Variants in GLDC observed in about 807,000 individuals in gnomAD.
GLDC encodes the protein glycine dehydrogenase (decarboxylating), mitochondrial.
Under a neutral mutation model 121.3 loss-of-function variants are expected in GLDC, and 104 were observed. The observed-to-expected ratio is 0.86, with a 90% CI of 0.73 to 1.01. GLDC has a LOEUF of 1.01. GLDC is among the 50% of genes least tolerant of loss of function. GLDC has a pLI of 0.00. For missense variants in GLDC, 1,429 were observed against 1,306.6 expected (o/e 1.09, Z -1.44); for synonymous variants, 546 against 480.6 (o/e 1.14, Z -1.78).
chr9:6,588,276 A>T, intron 14 of GLDC, 125 bp downstream of exon 14: 1 of 796,446 alleles, frequency 1.3e-6, no homozygotes. Context: ...CAAGGTAAAG[A>T]ATTATTAAAA....
At position 6,585,403 on chromosome 9, in the gene GLDC, TAAAAC is replaced by T. The variant is rs538673216; in HGVS notation, c.1850+1733_1850+1737del. ...TCAGAATTCACTGAGGTTTGTCTCT[TAAAAC>T]AAAACAAAAATAAGTAATGAAGTTC... On this transcript the variant is annotated intron_variant, in intron 15 of 24. Coordinates refer to ENST00000321612, the MANE Select transcript of GLDC (RefSeq NM_000170.3). Among the ~76,000 whole-genome samples the T allele has an allele frequency of 1.8e-4, 28 of 152,322 alleles. No homozygotes were observed. In the South Asian group the frequency reaches 3.5e-3, roughly 19 times the overall value.
intron 15 of GLDC, among the ~76,000 whole-genome samples, chr9:6,575,247 C>T (rs1818041890): frequency 6.6e-6 from 1 of 151,858 alleles, no homozygotes; most frequent in East Asian, 1.9e-4. Flanking sequence ...AAAACTCTCC[C>T]ATATGGGCTC....
At chr9:6,554,527 C>T (rs978471813) in intron 19 of GLDC, 142 bp downstream of exon 19, 6 of 714,950 alleles carry the variant, frequency 8.4e-6, no homozygotes, top group Non-Finnish European at 1.5e-5. Flanking sequence ...TTTTGCTGCT[C>T]CTCCCCCAGC....
intron 11 of GLDC, 90 bp from the exon 12 acceptor site, chr9:6,589,382 C>G (rs1046983578): frequency 1.3e-6 from 1 of 751,272 alleles, no homozygotes; most frequent in Non-Finnish European, 2.4e-6. Context: ...GGCCACAAAG[C>G]ACTCAAAATG....
At chr9:6,588,553 G>A (rs1818314715) in intron 13 of GLDC, 65 bp downstream of exon 13, 6 of 1,454,084 alleles carry the variant, frequency 4.1e-6, no homozygotes, top group Non-Finnish European at 5.8e-6. Flanking sequence ...GAGCATATTA[G>A]GTAGGACCAA....
chr9:6,632,478 G>A (rs1170907001), intron 2 of GLDC, among the ~76,000 whole-genome samples: 1 of 152,154 alleles, frequency 6.6e-6, no homozygotes, highest in Non-Finnish European at 1.5e-5. Context: ...TTGCATTTTT[G>A]TATGAATACT....
At chr9:6,555,964 CACAGCTG>C (rs1817621039) in intron 18 of GLDC, among the ~76,000 whole-genome samples, 182 bp downstream of exon 18, 1 of 152,218 alleles carries the variant, frequency 6.6e-6, no homozygotes, top group Non-Finnish European at 1.5e-5. Context: ...GCCCCCATTT[CACAGCTG>C]ATAAAGCTGA....
At chr9:6,538,664 C>T (rs1817188956) in intron 22 of GLDC, among the ~76,000 whole-genome samples, 3 of 152,198 alleles carry the variant, frequency 2.0e-5, no homozygotes, top group Admixed American at 1.3e-4. Context: ...CAGGAGACAA[C>T]ATGATTCAGA....
chr9:6,605,906 A>C (rs1470373437), intron 5 of GLDC: 1 of 162,540 alleles, frequency 6.2e-6, no homozygotes, highest in East Asian at 1.8e-4. Flanking sequence ...CTACGTTTGC[A>C]AGGAATACAC....
Position 6,540,135 on chromosome 9 carries a change from G to C in GLDC, c.2581C>G (p.His861Asp). 6.2e-7 allele frequency: 1 copy of C among 1,608,854 alleles called. No individual in the cohort carries two copies. The highest frequency in any genetic ancestry group is 8.5e-7 in the Non-Finnish European group (1 of 1,175,214). The change falls in exon 22 of 25, where the codon CAT becomes GAT. Residue 861 changes from histidine to aspartate, a missense_variant. By Grantham distance (81) the His-to-Asp change is moderately conservative. Transcript: ENST00000321612. ...GGTCTCGTGTCCAAAATAAATTCAT[G>C]ACCCACATAACCTGTTCAGGAAAGT... The part of the protein sequence containing the change: ...LFRGARGYVG[H>D]EFILDTRPFK...
chr9:6,620,429 G>A, intron 2 of GLDC, 110 bp from the exon 3 acceptor site: 2 of 953,650 alleles, frequency 2.1e-6, no homozygotes, highest in South Asian at 2.7e-5. Flanking sequence ...ATAACTATAT[G>A]GAAAATGTAA....
At chr9:6,602,643 G>A (rs1818639947) in intron 7 of GLDC, among the ~76,000 whole-genome samples, 1 of 152,226 alleles carries the variant, frequency 6.6e-6, no homozygotes, top group East Asian at 1.9e-4. Context: ...ATGAGCCACT[G>A]TGCCCAGCAG....
At chr9:6,536,771 CAA>C (rs2129651584) in intron 22 of GLDC, among the ~76,000 whole-genome samples, 1 of 152,154 alleles carries the variant, frequency 6.6e-6, no homozygotes, top group East Asian at 1.9e-4. Flanking sequence ...TATAGCTTAT[CAA>C]AAGTTAAATA....
At chr9:6,562,810 C>A (rs1817784302) in intron 16 of GLDC, among the ~76,000 whole-genome samples, 1 of 152,212 alleles carries the variant, frequency 6.6e-6, no homozygotes, top group African/African-American at 2.4e-5. Flanking sequence ...ATCTGCCTGC[C>A]TTAGCCTCCC....
At chr9:6,566,461 A>G (rs1026304353) in intron 15 of GLDC, 9 of 152,196 alleles carry the variant, frequency 5.9e-5, no homozygotes, top group African/African-American at 2.2e-4. Context: ...ATCAGCCCCA[A>G]AAGAATGAGG....
At chr9:6,573,396 C>G (rs770174619) in intron 15 of GLDC, among the ~76,000 whole-genome samples, 5 of 152,046 alleles carry the variant, frequency 3.3e-5, no homozygotes, top group African/African-American at 4.8e-5. Context: ...GGCAGGCAGA[C>G]GTTGCAGTGA....
rs552729877 is a variant in GLDC, at chr9:6,620,566, G to A, written c.335-247C>T. ...TCACTGTTTTGACTGTTCCTTATTCGGTTCTGTTTGCTAGAACTGCCCATT... is the reference window on the plus strand; with the variant it reads ...TCACTGTTTTGACTGTTCCTTATTCAGTTCTGTTTGCTAGAACTGCCCATT... On this transcript the variant is annotated intron_variant, in intron 2 of 24. Transcript: ENST00000321612. Among the ~76,000 whole-genome samples, 15 of 150,480 alleles carry A rather than the reference G, an allele frequency of 1.0e-4. No homozygotes were observed. The South Asian group carries it at 1.3e-3, about 13-fold the overall frequency.
chr9:6,550,675 C>G (rs1817493787), intron 21 of GLDC, 128 bp downstream of exon 21: 8 of 748,988 alleles, frequency 1.1e-5, no homozygotes, highest in Admixed American at 3.8e-5. Flanking sequence ...TCCAAGAACT[C>G]TACACTATTT....
chr9:6,545,175 C>CA (rs1264600300), intron 21 of GLDC, among the ~76,000 whole-genome samples: 9 of 152,016 alleles, frequency 5.9e-5, no homozygotes, highest in African/African-American at 2.2e-4. Flanking sequence ...AGAATACAGT[C>CA]ATGCATCACT....
Sources: allele counts gnomAD v4.1 joint callset (sites outside exome capture counted in the v4.1 genomes callset), GRCh38; gene constraint gnomAD v4.1.1; transcripts MANE v1.5; gene names NCBI Gene and HGNC (gene_info 2026-07-23, HGNC 2026-07-21).